Variants in UNC13B observed in about 807,000 individuals in gnomAD.
The protein encoded by UNC13B is protein unc-13 homolog B.
UNC13B carries 144 observed loss-of-function variants against 211.0 expected under a neutral mutation model. The observed-to-expected ratio is 0.68, with a 90% CI of 0.60 to 0.78. The LOEUF is 0.78. Among genes scored for constraint, UNC13B ranks in the 30% least tolerant of loss-of-function variants. The pLI, the probability that UNC13B is intolerant of heterozygous loss-of-function variation, is 0.00. For synonymous variants in UNC13B, 709 were observed against 725.8 expected (o/e 0.98, Z 0.37); for missense variants, 1,777 against 2,002.0 (o/e 0.89, Z 2.14).
intron 24 of UNC13B, 47 bp downstream of exon 24, chr9:35,386,340 G>A: frequency 6.2e-7 from 1 of 1,610,582 alleles, no homozygotes; most frequent in Non-Finnish European, 8.5e-7. Context: ...TGGCTCTTTG[G>A]AGCCTCAGTT....
At chr9:35,390,495 T>G in intron 25 of UNC13B, 134 bp from the exon 26 acceptor site, 1 of 974,554 alleles carries the variant, frequency 1.0e-6, no homozygotes. Flanking sequence ...TTCTCCAGAT[T>G]GGACCTAGCC....
At chr9:35,263,841 G>A (rs1375949762) in intron 7 of UNC13B, among the ~76,000 whole-genome samples, 2 of 152,136 alleles carry the variant, frequency 1.3e-5, no homozygotes, top group African/African-American at 4.8e-5. Context: ...CAGTAAGAAG[G>A]TAGCCATCTG....
In UNC13B at chr9:35,382,402, A is replaced by G. The variant is rs1371827622; in HGVS notation, c.10701A>G (p.Pro3567=). ...CCAAGTACATGTGTCCTGGTGTGCC[A>G]GCAGTGATGAGCACCTTACTGGCCA... ...LSSKYMCPGV[P]AVMSTLLANI... is the part of the protein sequence containing the mutation. The change falls in exon 21 of 40, where the codon CCA becomes CCG. Residue 3567 remains proline, a synonymous_variant. Transcript: ENST00000635942. 7 of 1,613,900 alleles carry G rather than the reference A, an allele frequency of 4.3e-6. No homozygotes were observed. Among genetic ancestry groups the G allele is most frequent in the Non-Finnish European group, 5.9e-6 (7 of 1,180,036 alleles).
chr9:35,169,439 C>T (rs191427024), intron 1 of UNC13B, among the ~76,000 whole-genome samples: 50 of 152,212 alleles, frequency 3.3e-4, no homozygotes, highest in Admixed American at 1.1e-3. Context: ...AAATATATTT[C>T]GGTTTACAGC....
At chr9:35,291,031 T>C in intron 7 of UNC13B, 3 of 1,549,508 alleles carry the variant, frequency 1.9e-6, no homozygotes, top group Non-Finnish European at 2.6e-6. Context: ...AAAAAGTATT[T>C]TCAAAAATTA....
intron 11 of UNC13B, among the ~76,000 whole-genome samples, chr9:35,354,443 T>G (rs1440703140): frequency 6.6e-6 from 1 of 152,194 alleles, no homozygotes; most frequent in Non-Finnish European, 1.5e-5. Flanking sequence ...CTTATAGTGC[T>G]GACCTAGCCC....
intron 11 of UNC13B, 59 bp from the exon 12 acceptor site, chr9:35,366,888 A>G (rs369972078): frequency 1.4e-6 from 2 of 1,461,610 alleles, no homozygotes; most frequent in Non-Finnish European, 1.9e-6. Flanking sequence ...CGCTGCTCAG[A>G]TTACAGGCAA....
rs1276738074 is a variant in UNC13B at position 35,396,505 on chromosome 9, G to A, written c.11338G>A (p.Ala3780Thr). The change falls in exon 27 of 40, where the codon GCT (alanine) becomes ACT (threonine). Residue 3780 changes from alanine (A) to threonine (T), a missense_variant. Ala to Thr is a moderately conservative substitution (Grantham distance 58). Coordinates refer to ENST00000635942, the MANE Select transcript of UNC13B (RefSeq NM_001371189.2). ...TGAGAAAGACCACCTGTGTAAAAGT[G>A]CTGACTACATGAACCTGCACTTCAA... The part of the protein sequence containing the change: ...EHEKDHLCKS[A>T]DYMNLHFKVK... 1.2e-6 allele frequency: 2 copies of A among 1,614,038 alleles called. No individual in the cohort carries two copies. Among genetic ancestry groups the A allele is most frequent in the Non-Finnish European group, 1.7e-6 (2 of 1,180,038 alleles).
In UNC13B at chr9:35,175,147, G is replaced by T. The variant is rs375480924; in HGVS notation, c.22+12842G>T. On this transcript the variant is annotated intron_variant, in intron 1 of 39. Transcript: ENST00000635942. ...AATACAAAGAGAGGGAGGAAAGTTG[G>T]GTTCCGTTGAGTTTGTGGGATCTGT... Among the ~76,000 whole-genome samples the T allele has an allele frequency of 7.7e-4, 117 of 152,356 alleles. 2 individuals are homozygous for T. The South Asian group carries it at 0.019, about 25-fold the overall frequency.
chr9:35,352,266 G>A, intron 11 of UNC13B: 2 of 1,232,164 alleles, frequency 1.6e-6, no homozygotes, highest in Non-Finnish European at 2.0e-6. Context: ...AAGCACCTTT[G>A]TGTTAATGGC....
chr9:35,300,396 G>A lies in UNC13B; in HGVS notation c.992G>A (p.Gly331Asp), dbSNP rs1335090593. The A allele has an allele frequency of 5.0e-6, 2 of 398,866 alleles. No individual in the cohort carries two copies. Among genetic ancestry groups the A allele is most frequent in the African/African-American group, 4.1e-5 (2 of 48,628 alleles). 24.7% of individuals were successfully genotyped at this position (398,866 alleles called of 1,614,324 possible). Residue 331 changes from glycine to aspartate, a missense_variant, in exon 9 of 40, where the codon GGC becomes GAC. By Grantham distance (94) the Gly-to-Asp change is moderately conservative. Coordinates refer to ENST00000635942, the MANE Select transcript of UNC13B (RefSeq NM_001371189.2). The part of the protein sequence containing the change: ...PYKNGFVVKS[G>D]MQRIKLESHD... ...AAAAATGGATTTGTGGTTAAGAGTG[G>A]CATGCAGCGCATTAAGTTGGAAAGT...
At chr9:35,284,696 G>A (rs550505997) in intron 7 of UNC13B, among the ~76,000 whole-genome samples, 1 of 152,286 alleles carries the variant, frequency 6.6e-6, no homozygotes, top group South Asian at 2.1e-4. Flanking sequence ...AAGTTCTACA[G>A]TACTTACCGA....
chr9:35,386,603 T>G (rs1835209296), intron 24 of UNC13B, among the ~76,000 whole-genome samples: 1 of 152,160 alleles, frequency 6.6e-6, no homozygotes, highest in South Asian at 2.1e-4. Context: ...AGTCTTTTTT[T>G]CTCCCTCAAG....
chr9:35,382,216 T>C (rs1834893310), intron 20 of UNC13B, 141 bp from the exon 21 acceptor site: 1 of 1,112,172 alleles, frequency 9.0e-7, no homozygotes, highest in South Asian at 1.5e-5. Context: ...TAGAGCTGTG[T>C]GCAGAAAGTA....
chr9:35,162,345 G>T (rs1324618329), intron 1 of UNC13B, 40 bp downstream of exon 1: 3 of 1,521,372 alleles, frequency 2.0e-6, no homozygotes, highest in Non-Finnish European at 1.8e-6. Context: ...GGGTGTCGGC[G>T]TAGAGGTCCC....
At chr9:35,309,508 A>C (rs1830084064) in intron 9 of UNC13B, among the ~76,000 whole-genome samples, 1 of 152,180 alleles carries the variant, frequency 6.6e-6, no homozygotes, top group Non-Finnish European at 1.5e-5. Flanking sequence ...AAAGAACTGA[A>C]GCCCTTAGAT....
chr9:35,308,412 G>C lies in UNC13B; in HGVS notation c.9008G>C (p.Ser3003Thr). ...NDIKEPMTNK[S>T]PTSSSRYGSS... ...ATCAAGGAGCCCATGACCAACAAAA[G>C]GCCTGTTCTTAACTCAAGCATCATA... Residue 3003 changes from serine to threonine, a missense_variant and splice_region_variant, in exon 9 of 40, where the codon AGC (serine) becomes ACC (threonine). Transcript: ENST00000635942. 2.5e-6 allele frequency: 1 copy of C among 398,868 alleles called. No homozygotes were observed. Among genetic ancestry groups the C allele is most frequent in the Non-Finnish European group, 4.4e-6 (1 of 226,030 alleles). 24.7% of individuals were successfully genotyped at this position (398,868 alleles called of 1,614,324 possible). A position where few individuals can be genotyped will look rare whatever the true frequency, so the allele number is the denominator to read the frequency against.
intron 7 of UNC13B, among the ~76,000 whole-genome samples, chr9:35,292,177 A>G (rs1026209257): frequency 2.0e-5 from 3 of 152,294 alleles, no homozygotes; most frequent in African/African-American, 7.2e-5. Context: ...CTGTGGATTT[A>G]AAGACCAATC....
intron 11 of UNC13B, chr9:35,352,570 G>T (rs1587680085): frequency 1.6e-6 from 2 of 1,231,980 alleles, no homozygotes; most frequent in Admixed American, 8.4e-5. Flanking sequence ...CAGGGGACAG[G>T]GGACCCATAA....
Sources: allele counts gnomAD v4.1 joint callset (sites outside exome capture counted in the v4.1 genomes callset), GRCh38; gene constraint gnomAD v4.1.1; transcripts MANE v1.5; gene names NCBI Gene and HGNC (gene_info 2026-07-23, HGNC 2026-07-21).